Variants in ANKRD50 observed in about 807,000 individuals in gnomAD.
ANKRD50 encodes ankyrin repeat domain-containing protein 50.
ANKRD50 carries 40 observed loss-of-function variants against 112.0 expected under a neutral mutation model. The ratio of observed to expected loss-of-function variants is 0.36; its 90% CI spans 0.28 to 0.46. ANKRD50 has a LOEUF of 0.46. ANKRD50 is among the 20% of genes least tolerant of loss of function. ANKRD50 has a pLI of 1.00. For missense variants in ANKRD50, 1,487 were observed against 1,701.7 expected (o/e 0.87, Z 2.22); for synonymous variants, 613 against 619.1 (o/e 0.99, Z 0.15).
intron 2 of ANKRD50, among the ~76,000 whole-genome samples, chr4:124,700,675 A>AT (rs1725369588): frequency 6.6e-6 from 1 of 152,196 alleles, no homozygotes; most frequent in Non-Finnish European, 1.5e-5. Flanking sequence ...CAATAGTGGT[A>AT]TATCATAAAC....
chr4:124,686,408 G>C (rs887090017), intron 2 of ANKRD50, among the ~76,000 whole-genome samples: 7 of 152,074 alleles, frequency 4.6e-5, no homozygotes, highest in Non-Finnish European at 1.0e-4. Context: ...GTTCACACTC[G>C]CTTGCTGCCT....
At position 124,710,486 on chromosome 4, in the gene ANKRD50, A is replaced by G. The variant is rs1725604884; in HGVS notation, c.26T>C (p.Val9Ala). The G allele has an allele frequency of 6.2e-7, 1 of 1,613,016 alleles. No individual in the cohort carries two copies. MTNPWEEKVCKMAQTSLLQ... is the reference protein window; with the variant it reads MTNPWEEKACKMAQTSLLQ... ...TAAACTGGTTTGAGCCATTTTGCAG[A>G]CTTTCTCTTCCCAAGGATTAGTCAT... The change falls in exon 2 of 5, where the codon GTC becomes GCC. Residue 9 changes from valine (V) to alanine (A), a missense_variant. Physicochemically the swap from Val to Ala is moderately conservative, Grantham distance 64. Transcript: ENST00000504087.
At chr4:124,705,687 A>G (rs1725490073) in intron 2 of ANKRD50, among the ~76,000 whole-genome samples, 1 of 152,066 alleles carries the variant, frequency 6.6e-6, no homozygotes, top group Non-Finnish European at 1.5e-5. Flanking sequence ...TCCACCCCTC[A>G]CTAACTTAGT....
At position 124,670,906 on chromosome 4, in the gene ANKRD50, T is replaced by G; in HGVS notation, c.2371A>C (p.Met791Leu). Residue 791 changes from methionine (M) to leucine (L), a missense_variant, in exon 4 of 5, where the codon ATG becomes CTG. Transcript: ENST00000504087. ...GTATTTACAACTGATGCATGACCCA[T>G]AGACGCTGCTGCTAAGAGGGGTGTA... ...GRTPLLAAASMGHASVVNTLL... is the reference protein window; with the variant it reads ...GRTPLLAAASLGHASVVNTLL... The G allele has an allele frequency of 1.2e-6, 2 of 1,613,832 alleles. No individual in the cohort carries two copies. The highest frequency in any genetic ancestry group is 3.3e-4 in the Middle Eastern group (2 of 6,056).
intron 2 of ANKRD50, among the ~76,000 whole-genome samples, chr4:124,697,560 C>T (rs1051740934): frequency 6.6e-6 from 1 of 152,108 alleles, no homozygotes; most frequent in Non-Finnish European, 1.5e-5. Flanking sequence ...TTTGCATGTG[C>T]CGGCTTCCCC....
intron 2 of ANKRD50, among the ~76,000 whole-genome samples, chr4:124,684,000 T>C (rs1017924050): frequency 6.6e-6 from 1 of 151,600 alleles, no homozygotes; most frequent in African/African-American, 2.4e-5. Flanking sequence ...ATTTTTGCTA[T>C]GTTCCATCTC....
intron 3 of ANKRD50, among the ~76,000 whole-genome samples, chr4:124,677,978 T>C (rs1289693254): frequency 6.6e-6 from 1 of 152,036 alleles, no homozygotes; most frequent in Non-Finnish European, 1.5e-5. Context: ...CAAGAAAGAA[T>C]GCCATATGTG....
At chr4:124,702,313 G>A (rs1389150468) in intron 2 of ANKRD50, among the ~76,000 whole-genome samples, 1 of 152,178 alleles carries the variant, frequency 6.6e-6, no homozygotes, top group Non-Finnish European at 1.5e-5. Context: ...TAAATCAACT[G>A]GAATGGGTGA....
At position 124,670,610 on chromosome 4, in the gene ANKRD50, T is replaced by C. The variant is rs1378985909; in HGVS notation, c.2667A>G (p.Gln889=). ...DGRIPFILAS[Q]EGHYDCVQIL... ...TTTGAACACAATCATAATGACCCTC[T>C]TGTGAAGCTAATATGAAAGGGATTC... Residue 889 remains glutamine (Q), a synonymous_variant, in exon 4 of 5, where the codon CAA becomes CAG. Coordinates refer to ENST00000504087, the MANE Select transcript of ANKRD50 (RefSeq NM_020337.3). 1 of 1,613,436 alleles carries C rather than the reference T, an allele frequency of 6.2e-7. No individual in the cohort carries two copies. The highest frequency in any genetic ancestry group is 8.5e-7 in the Non-Finnish European group (1 of 1,179,812).
chr4:124,703,730 G>A (rs1725445296), intron 2 of ANKRD50, among the ~76,000 whole-genome samples: 2 of 151,638 alleles, frequency 1.3e-5, no homozygotes, highest in African/African-American at 4.8e-5. Flanking sequence ...GCTGCATTGG[G>A]GTAAAAACAT....
chr4:124,671,952 C>T lies in ANKRD50; in HGVS notation c.1325G>A (p.Cys442Tyr). The change falls in exon 4 of 5, where the codon TGT becomes TAT. Residue 442 changes from cysteine (C) to tyrosine (Y), a missense_variant. This residue lies in a region of ANKRD50 where 1,046 missense variants were observed against 1,269.5 expected (regional missense o/e 0.82). Transcript: ENST00000504087. ...CAATGGTGTTAAATTCTTGGCTTGACAGGTATAACTCATAGCCAACATTCT... is the reference window on the plus strand; with the variant it reads ...CAATGGTGTTAAATTCTTGGCTTGATAGGTATAACTCATAGCCAACATTCT... ...GHRMLAMSYT[C>Y]QAKNLTPLEA... The T allele has an allele frequency of 6.2e-7, 1 of 1,613,870 alleles. No individual in the cohort carries two copies. The highest frequency in any genetic ancestry group is 8.5e-7 in the Non-Finnish European group (1 of 1,179,872).
rs1345191017 is a variant in ANKRD50, at chr4:124,664,882, A to T, written c.*2636T>A. On this transcript the variant is annotated 3_prime_UTR_variant, in exon 5 of 5. Coordinates refer to ENST00000504087, the MANE Select transcript of ANKRD50 (RefSeq NM_020337.3). ...TTTCCTTCCAAAACCTTTCTTAGAAACATTCAGATTTTTATTTCATTACTG... is the reference window on the plus strand; with the variant it reads ...TTTCCTTCCAAAACCTTTCTTAGAATCATTCAGATTTTTATTTCATTACTG... The T allele has an allele frequency of 1.3e-5, 2 of 151,934 alleles. No homozygotes were observed. Among genetic ancestry groups the T allele is most frequent in the Non-Finnish European group, 2.9e-5 (2 of 67,866 alleles). 9.4% of individuals were successfully genotyped at this position (151,934 alleles called of 1,614,324 possible).
chr4:124,687,670 CTAAG>C (rs1725039992), intron 2 of ANKRD50, among the ~76,000 whole-genome samples: 1 of 152,122 alleles, frequency 6.6e-6, no homozygotes, highest in Admixed American at 6.5e-5. Flanking sequence ...TCTCAAAACA[CTAAG>C]AAAACAAATT....
Position 124,670,075 on chromosome 4 carries a change from C to T in ANKRD50, c.3202G>A (p.Gly1068Ser), listed in dbSNP as rs1343661177. ...TGATCAGCATGGTTTGGATCAGCAC[C>T]ATGCTCTAATAAGACCTGAACAACA... is the stretch of plus-strand genomic sequence containing the variant. ...IDVVQVLLEH[G>S]ADPNHADQFG... The change falls in exon 4 of 5, where the codon GGT becomes AGT. Residue 1068 changes from glycine (G) to serine (S), a missense_variant. Physicochemically the swap from Gly to Ser is moderately conservative, Grantham distance 56. Coordinates refer to ENST00000504087, the MANE Select transcript of ANKRD50 (RefSeq NM_020337.3). 6.2e-7 allele frequency: 1 copy of T among 1,613,366 alleles called. No homozygotes were observed. The highest frequency in any genetic ancestry group is 1.1e-5 in the South Asian group (1 of 90,932).
In ANKRD50 at chr4:124,667,134, A is replaced by G. The variant is rs2110504908; in HGVS notation, c.*384T>C. 1 of 152,176 alleles carries G rather than the reference A, an allele frequency of 6.6e-6. No homozygotes were observed. Among genetic ancestry groups the G allele is most frequent in the South Asian group, 2.1e-4 (1 of 4,822 alleles). The allele number at this position is 152,176 out of a possible 1,614,324, so 9.4% of individuals were successfully genotyped here. On this transcript the variant is annotated 3_prime_UTR_variant, in exon 5 of 5. Coordinates refer to ENST00000504087, the MANE Select transcript of ANKRD50 (RefSeq NM_020337.3). The stretch of plus-strand genomic sequence containing the variant: ...TTTCTTTTGCCACAAAAAGAAAAAA[A>G]AATAAATACAAGGAACACTGCCTTT...
In ANKRD50 at chr4:124,678,843, T is replaced by A; in HGVS notation, c.575A>T (p.Asp192Val). The change falls in exon 3 of 5, where the codon GAT (aspartate) becomes GTT (valine). Residue 192 changes from aspartate (D) to valine (V), a missense_variant. This residue lies in a region of ANKRD50 where 1,046 missense variants were observed against 1,269.5 expected (regional missense o/e 0.82). Coordinates refer to ENST00000504087, the MANE Select transcript of ANKRD50 (RefSeq NM_020337.3). ...PPQQSLYLLV[D>V]SVDEGCNITE... is the part of the protein sequence containing the mutation. ...AATGTTACACCCTTCATCAACAGAATCAACAAGCAGGTATAGGCTTTGCTG... is the reference window on the plus strand; with the variant it reads ...AATGTTACACCCTTCATCAACAGAAACAACAAGCAGGTATAGGCTTTGCTG... 6.2e-7 allele frequency: 1 copy of A among 1,613,804 alleles called. No individual in the cohort carries two copies. Among genetic ancestry groups the A allele is most frequent in the Non-Finnish European group, 8.5e-7 (1 of 1,179,808 alleles).
chr4:124,696,807 C>A (rs1336426029), intron 2 of ANKRD50, among the ~76,000 whole-genome samples: 3 of 152,166 alleles, frequency 2.0e-5, no homozygotes, highest in African/African-American at 7.2e-5. Flanking sequence ...TGAATATATA[C>A]ATTTAAAATT....
chr4:124,666,568 T>G lies in ANKRD50; in HGVS notation c.*950A>C, dbSNP rs1335622657. On this transcript the variant is annotated 3_prime_UTR_variant, in exon 5 of 5. Transcript: ENST00000504087. Reference sequence around the variant, plus strand: ...TGAGAGAGAAGCCAGCAAAATTAATTTATTTAGCCAGGAGGAAGAGGTCAG... The same window carrying G: ...TGAGAGAGAAGCCAGCAAAATTAATGTATTTAGCCAGGAGGAAGAGGTCAG... 6.7e-6 allele frequency: 1 copy of G among 149,458 alleles called. No homozygotes were observed. Among genetic ancestry groups the G allele is most frequent in the Non-Finnish European group, 1.5e-5 (1 of 67,878 alleles). The allele number at this position is 149,458 out of a possible 1,614,324, so 9.3% of individuals were successfully genotyped here.
rs1023134635 is a variant in ANKRD50 at position 124,710,378 on chromosome 4, T to C, written c.134A>G (p.Asn45Ser). The stretch of plus-strand genomic sequence containing the variant: ...AAGTGATGGTGCATTGACAGCACTA[T>C]TGCAGCAGTTACTTTTCTCCTGGAG... Reference protein sequence around the residue: ...HCLQEKSNCCNSAVNAPSLVM... With the variant: ...HCLQEKSNCCSSAVNAPSLVM... The change falls in exon 2 of 5, where the codon AAT (asparagine) becomes AGT (serine). Residue 45 changes from asparagine to serine, a missense_variant. Asn to Ser is a conservative substitution (Grantham distance 46). Transcript: ENST00000504087. The C allele has an allele frequency of 1.2e-6, 2 of 1,614,132 alleles. No homozygotes were observed. Among genetic ancestry groups the C allele is most frequent in the Non-Finnish European group, 1.7e-6 (2 of 1,180,056 alleles).
Sources: allele counts gnomAD v4.1 joint callset (sites outside exome capture counted in the v4.1 genomes callset), GRCh38; gene constraint gnomAD v4.1.1; regional missense constraint gnomAD v4.1.1; transcripts MANE v1.5; gene names NCBI Gene and HGNC (gene_info 2026-07-23, HGNC 2026-07-21).